The following ALK variants were observed in gnomAD, a reference collection of about 807,000 sequenced individuals.
The protein encoded by ALK is ALK receptor tyrosine kinase, also known as ALK tyrosine kinase receptor.
Under a neutral mutation model 163.1 loss-of-function variants are expected in ALK, and 74 were observed. That is an observed-to-expected ratio of 0.45 (90% CI 0.38 to 0.55). ALK has a LOEUF of 0.55. Among genes scored for constraint, ALK ranks in the 20% least tolerant of loss-of-function variants. The pLI is 0.00. For missense variants in ALK, 2,063 were observed against 2,105.3 expected (o/e 0.98, Z 0.39); for synonymous variants, 960 against 843.2 (o/e 1.14, Z -2.40).
chr2:29,579,380 T>C (rs573635799), intron 3 of ALK, among the ~76,000 whole-genome samples: 23 of 152,228 alleles, frequency 1.5e-4, no homozygotes, highest in Non-Finnish European at 3.1e-4. Context: ...CGCTCTTCCT[T>C]TGTATCCCAC....
intron 2 of ALK, among the ~76,000 whole-genome samples, chr2:29,703,222 A>T (rs575622811): frequency 1.3e-5 from 2 of 152,310 alleles, no homozygotes; most frequent in South Asian, 4.1e-4. Flanking sequence ...GTCTCCAGTT[A>T]TCTTGACTTG....
intron 3 of ALK, among the ~76,000 whole-genome samples, chr2:29,667,952 T>C (rs1329135482): frequency 6.6e-6 from 1 of 152,132 alleles, no homozygotes. Flanking sequence ...TTGTTGTTGC[T>C]TCAATCTCAT....
intron 3 of ALK, among the ~76,000 whole-genome samples, chr2:29,609,308 C>T (rs960434115): frequency 6.6e-6 from 1 of 152,076 alleles, no homozygotes; most frequent in Non-Finnish European, 1.5e-5. Flanking sequence ...TCCACTCTCT[C>T]TGGTGCCCAT....
chr2:29,637,781 A>G (rs1412799936), intron 3 of ALK, among the ~76,000 whole-genome samples: 1 of 151,526 alleles, frequency 6.6e-6, no homozygotes, highest in Non-Finnish European at 1.5e-5. Flanking sequence ...TGTCAATATC[A>G]TGGTTGTGAT....
rs566408804 is a variant in ALK at position 29,526,945 on chromosome 2, G to C, written c.1154+4970C>G. Among the ~76,000 whole-genome samples the C allele has an allele frequency of 4.6e-5, 7 of 152,346 alleles. No individual in the cohort carries two copies. The South Asian group carries it at 8.3e-4, about 18-fold the overall frequency. ...AGCCAGGGTTCTGTGCATTAGTGGTGAAGGTATCAGTGGGCCAGTAGGGAG... is the reference window on the plus strand; with the variant it reads ...AGCCAGGGTTCTGTGCATTAGTGGTCAAGGTATCAGTGGGCCAGTAGGGAG... On this transcript the variant is annotated intron_variant, in intron 4 of 28. Transcript: ENST00000389048.
rs1315039972 is a variant in ALK, at chr2:29,920,582, G to A, written c.78C>T (p.Gly26=). 1 of 1,580,080 alleles carries A rather than the reference G, an allele frequency of 6.3e-7. No individual in the cohort carries two copies. The highest frequency in any genetic ancestry group is 1.8e-5 in the Admixed American group (1 of 56,742). The change falls in exon 1 of 29, where the codon GGC becomes GGT. Residue 26 remains glycine (G), a synonymous_variant. Transcript: ENST00000389048. ...TAAVGSGMGT[G]QRAGSPAAGP... ...CCGCAGCTGGGGAGCCCGCGCGCTG[G>A]CCGGTCCCCATCCCGGAGCCCACAG...
intron 4 of ALK, among the ~76,000 whole-genome samples, chr2:29,456,410 C>T (rs770973925): frequency 3.3e-5 from 5 of 152,130 alleles, no homozygotes; most frequent in Admixed American, 6.5e-5. Context: ...TTGACACACA[C>T]TCCGAGATGG....
intron 1 of ALK, among the ~76,000 whole-genome samples, chr2:29,762,562 A>T (rs974514723): frequency 6.6e-6 from 1 of 152,230 alleles, no homozygotes; most frequent in Non-Finnish European, 1.5e-5. Flanking sequence ...GAGGAAAAAT[A>T]TGATAATAAG....
chr2:29,196,934 G>T (rs2148142206), intron 27 of ALK, 74 bp from the exon 28 acceptor site: 1 of 1,316,510 alleles, frequency 7.6e-7, no homozygotes, highest in Non-Finnish European at 1.1e-6. Context: ...CCAGCCCCAG[G>T]GTTGCAACGA....
intron 1 of ALK, among the ~76,000 whole-genome samples, chr2:29,722,403 T>C (rs1679447453): frequency 6.6e-6 from 1 of 152,184 alleles, no homozygotes; most frequent in African/African-American, 2.4e-5. Context: ...TCTCTTTAGT[T>C]CAAAGAACCG....
At chr2:29,329,582 T>G (rs73920782) in intron 5 of ALK, among the ~76,000 whole-genome samples, 1 of 152,190 alleles carries the variant, frequency 6.6e-6, no homozygotes, top group Non-Finnish European at 1.5e-5. Context: ...TGGGGGAAGA[T>G]GAACTAGGAC....
At chr2:29,505,845 T>C (rs1672304581) in intron 4 of ALK, among the ~76,000 whole-genome samples, 1 of 148,512 alleles carries the variant, frequency 6.7e-6, no homozygotes, top group South Asian at 2.1e-4. Flanking sequence ...GGTTCAGCAG[T>C]CAGCAACATC....
rs140471353 is a variant in ALK at position 29,455,667 on chromosome 2, C to G, written c.1155-71808G>C. ...CACAATATCCCCAGGGGGAACCTTCCTCCGGATGCAAGAAAGAAAAGGTCA... is the reference window on the plus strand; with the variant it reads ...CACAATATCCCCAGGGGGAACCTTCGTCCGGATGCAAGAAAGAAAAGGTCA... On this transcript the variant is annotated intron_variant, in intron 4 of 28. Coordinates refer to ENST00000389048, the MANE Select transcript of ALK (RefSeq NM_004304.5). Among the ~76,000 whole-genome samples, 180 of 152,294 alleles carry G rather than the reference C, an allele frequency of 1.2e-3. 1 individual carries two copies. Among genetic ancestry groups the G allele is most frequent in the African/African-American group, 3.8e-3 (160 of 41,572 alleles).
chr2:29,203,176 G>C (rs1669224679), intron 26 of ALK, among the ~76,000 whole-genome samples: 1 of 152,220 alleles, frequency 6.6e-6, no homozygotes, highest in East Asian at 1.9e-4. Context: ...CACTGGGTTA[G>C]GTTAAAACCA....
rs1468992269 is a variant in ALK at position 29,830,741 on chromosome 2, A to C, written c.667+89252T>G. On this transcript the variant is annotated intron_variant, in intron 1 of 28. Transcript: ENST00000389048. ...AAAAAAAAAAAAAAAAAAAAAAAAA[A>C]AAAAAAAAAAAACTTAGCCAAGCAT... Among the ~76,000 whole-genome samples, 34 of 126,788 alleles carry C rather than the reference A, an allele frequency of 2.7e-4. 1 individual carries two copies. The highest frequency in any genetic ancestry group is 1.1e-3 in the East Asian group (4 of 3,732). 83.2% of individuals were successfully genotyped at this position (126,788 alleles called of 152,430 possible).
chr2:29,886,827 C>G (rs538200017), intron 1 of ALK, among the ~76,000 whole-genome samples: 1 of 152,178 alleles, frequency 6.6e-6, no homozygotes, highest in Non-Finnish European at 1.5e-5. Context: ...GCGCTTAGCT[C>G]AACACCTGGC....
chr2:29,350,550 CA>C (rs1240626934), intron 5 of ALK, among the ~76,000 whole-genome samples: 1 of 152,154 alleles, frequency 6.6e-6, no homozygotes, highest in Non-Finnish European at 1.5e-5. Flanking sequence ...TGTTGGCTCT[CA>C]GGGGCCTTCT....
chr2:29,904,150 G>GT lies in ALK; in HGVS notation c.667+15842dup, dbSNP rs558751132. ...TTTCCTAGTTAGTTATTGAAATAGG[G>GT]TTTTTTTCTGCTGTGAAATTAAAAG... On this transcript the variant is annotated intron_variant, in intron 1 of 28. Coordinates refer to ENST00000389048, the MANE Select transcript of ALK (RefSeq NM_004304.5). Among the ~76,000 whole-genome samples the GT allele has an allele frequency of 6.0e-3, 908 of 152,064 alleles. 13 individuals carry two copies. Among genetic ancestry groups the GT allele is most frequent in the African/African-American group, 0.021 (865 of 41,484 alleles).
At chr2:29,614,163 G>A (rs370358217) in intron 3 of ALK, among the ~76,000 whole-genome samples, 4 of 152,190 alleles carry the variant, frequency 2.6e-5, no homozygotes, top group East Asian at 1.9e-4. Flanking sequence ...TCGGGTCCTC[G>A]GATGCCTGCT....
Sources: gnomAD v4.1 joint callset for allele counts (sites outside exome capture counted in the v4.1 genomes callset) on GRCh38, gnomAD v4.1.1 for gene constraint, MANE v1.5 for transcripts, NCBI Gene and HGNC (gene_info 2026-07-23, HGNC 2026-07-21) for gene names.